ADGRL3: variants seen among roughly 807,000 people sequenced by gnomAD.
The protein encoded by ADGRL3 is calcium-independent alpha-latrotoxin receptor 3.
Under a neutral mutation model 153.5 loss-of-function variants are expected in ADGRL3, and 62 were observed. The observed-to-expected ratio is 0.40, with a 90% confidence interval of 0.33 to 0.50. The LOEUF (loss-of-function observed/expected upper bound fraction) is 0.50, where lower values mean the gene tolerates loss of function less well. Among genes scored for constraint, ADGRL3 ranks in the 20% least tolerant of loss-of-function variants. ADGRL3 has a pLI of 0.47. For synonymous variants in ADGRL3, 710 were observed against 672.5 expected, an observed-to-expected ratio of 1.06 and a Z score of -0.86; for missense variants, 1,641 against 1,859.4, an observed-to-expected ratio of 0.88 and a Z score of 2.16.
At chr4:61,358,492 G>C (rs968938980) in intron 1 of ADGRL3, among the ~76,000 whole-genome samples, 4 of 151,758 alleles carry the variant, frequency 2.6e-5, no homozygotes, top group African/African-American at 9.7e-5. Flanking sequence ...AGCTACTAGG[G>C]AGGCTGAGGC....
chr4:61,958,963 G>A lies in ADGRL3; in HGVS notation c.2805+10687G>A, dbSNP rs553614511. 3.9e-5 allele frequency among the ~76,000 whole-genome samples: 6 copies of A among 152,214 alleles called. No individual in the cohort carries two copies. In the East Asian group the frequency reaches 1.2e-3, roughly 29 times the overall value. ...CTACTGAATTCCCCCTGCTTCTACT[G>A]TCTAAGGAAACATTTGATTGTCTTC... is the stretch of plus-strand genomic sequence containing the variant. On this transcript the variant is annotated intron_variant, in intron 17 of 26. Coordinates refer to ENST00000683033, the MANE Select transcript of ADGRL3 (RefSeq NM_001387552.1).
intron 4 of ADGRL3, among the ~76,000 whole-genome samples, chr4:61,540,576 GA>G (rs548057104): frequency 6.3e-4 from 95 of 150,422 alleles, no homozygotes; most frequent in Middle Eastern, 6.9e-3. Context: ...AAGAAAAAAA[GA>G]AAAAAAAATA....
chr4:61,637,316 C>T (rs747640280), intron 5 of ADGRL3, among the ~76,000 whole-genome samples: 2 of 152,070 alleles, frequency 1.3e-5, no homozygotes, highest in African/African-American at 2.4e-5. Flanking sequence ...AAAATGAAAG[C>T]GGAGACCGGG....
At chr4:61,234,369 A>G (rs946634010) in intron 1 of ADGRL3, among the ~76,000 whole-genome samples, 2 of 152,124 alleles carry the variant, frequency 1.3e-5, no homozygotes, top group Non-Finnish European at 2.9e-5. Context: ...CGAGAATAGC[A>G]TAGGAAAGAC....
Position 62,070,785 on chromosome 4 carries a change from G to A in ADGRL3, c.4509G>A (p.Gln1503=), listed in dbSNP as rs1186171005. The change falls in exon 27 of 27, where the codon CAG becomes CAA. Residue 1503 remains glutamine, a synonymous_variant. Coordinates refer to ENST00000683033, the MANE Select transcript of ADGRL3 (RefSeq NM_001387552.1). Reference sequence around the variant, plus strand: ...TAGGCTCCAGAAACCACGTCCATCAGCTGCATACTTACTACCAGCTAGGTC... The same window carrying A: ...TAGGCTCCAGAAACCACGTCCATCAACTGCATACTTACTACCAGCTAGGTC... The part of the protein sequence containing the change: ...PNLGSRNHVH[Q]LHTYYQLGRG... The A allele has an allele frequency of 8.4e-6, 13 of 1,551,550 alleles. No homozygotes were observed. The highest frequency in any genetic ancestry group is 1.1e-5 in the Non-Finnish European group (13 of 1,146,990).
At chr4:61,734,858 C>T (rs2096488756) in intron 8 of ADGRL3, among the ~76,000 whole-genome samples, 2 of 152,304 alleles carry the variant, frequency 1.3e-5, no homozygotes, top group Admixed American at 6.5e-5. Context: ...TTGTTTTGCT[C>T]AACTCCAATT....
intron 19 of ADGRL3, 81 bp from the exon 20 acceptor site, chr4:61,996,210 C>A: frequency 2.4e-6 from 2 of 830,414 alleles, no homozygotes; most frequent in South Asian, 1.5e-5. Context: ...AGCTCACATT[C>A]TTCTCTGTCA....
intron 1 of ADGRL3, among the ~76,000 whole-genome samples, chr4:61,339,209 T>C (rs922036832): frequency 6.6e-6 from 1 of 152,186 alleles, no homozygotes; most frequent in Non-Finnish European, 1.5e-5. Context: ...TAGGTTTATT[T>C]TGAGGTTTGA....
chr4:61,492,720 T>A (rs1335217653), intron 2 of ADGRL3, among the ~76,000 whole-genome samples: 9 of 152,080 alleles, frequency 5.9e-5, no homozygotes, highest in Non-Finnish European at 1.2e-4. Flanking sequence ...TATAATTGTG[T>A]TAGATTTGAA....
rs116837418 is a variant in ADGRL3 at position 61,951,273 on chromosome 4, C to T, written c.2805+2997C>T. Among the ~76,000 whole-genome samples the T allele has an allele frequency of 9.9e-3, 1,511 of 152,178 alleles. 22 individuals are homozygous for T. The highest frequency in any genetic ancestry group is 0.034 in the African/African-American group (1,412 of 41,516). On this transcript the variant is annotated intron_variant, in intron 17 of 26. Transcript: ENST00000683033. ...AATCACCAAAGACACACAATCTGAACTTAGGATTCTCAGAATCCCCAGAGT... is the reference window on the plus strand; with the variant it reads ...AATCACCAAAGACACACAATCTGAATTTAGGATTCTCAGAATCCCCAGAGT...
Position 61,389,139 on chromosome 4 carries a change from G to T in ADGRL3, c.-174+5950G>T, listed in dbSNP as rs538476606. On this transcript the variant is annotated intron_variant, in intron 2 of 26. Transcript: ENST00000683033. ...CTGGAAGCAGCATGCATGATCATGT[G>T]ACTGGAGGCAGGTGGATTACCCAGG... Among the ~76,000 whole-genome samples the T allele has an allele frequency of 2.0e-5, 3 of 152,300 alleles. No homozygotes were observed. The East Asian group carries it at 5.8e-4, about 29-fold the overall frequency.
chr4:61,293,294 A>G (rs2094292873), intron 1 of ADGRL3, among the ~76,000 whole-genome samples: 1 of 152,178 alleles, frequency 6.6e-6, no homozygotes, highest in African/African-American at 2.4e-5. Flanking sequence ...AACCATCATT[A>G]CCACAGCCTA....
intron 4 of ADGRL3, among the ~76,000 whole-genome samples, chr4:61,521,855 C>G (rs2098533093): frequency 6.6e-6 from 1 of 151,710 alleles, no homozygotes; most frequent in Non-Finnish European, 1.5e-5. Flanking sequence ...CTTTCTGGCC[C>G]CAAATTTAAG....
chr4:61,213,396 AT>A (rs1741062062), intron 1 of ADGRL3, among the ~76,000 whole-genome samples: 1 of 152,080 alleles, frequency 6.6e-6, no homozygotes, highest in Non-Finnish European at 1.5e-5. Context: ...TAATGGCTGA[AT>A]TTTGATTCCC....
intron 4 of ADGRL3, among the ~76,000 whole-genome samples, chr4:61,533,867 T>G (rs1383356427): frequency 6.6e-6 from 1 of 152,166 alleles, no homozygotes; most frequent in African/African-American, 2.4e-5. Flanking sequence ...AGTGAAAAAG[T>G]GCTATATACT....
intron 1 of ADGRL3, among the ~76,000 whole-genome samples, chr4:61,339,430 G>A (rs1485897387): frequency 1.3e-5 from 2 of 152,044 alleles, no homozygotes; most frequent in Non-Finnish European, 2.9e-5. Flanking sequence ...CATGTCCACC[G>A]TCATTTTAGA....
intron 17 of ADGRL3, 50 bp downstream of exon 17, chr4:61,948,326 C>A: frequency 7.0e-7 from 1 of 1,418,802 alleles, no homozygotes; most frequent in Non-Finnish European, 9.8e-7. Flanking sequence ...TATATGGTCA[C>A]TAACTGTAAA....
intron 2 of ADGRL3, among the ~76,000 whole-genome samples, chr4:61,438,738 C>G (rs1255937969): frequency 1.4e-5 from 2 of 144,496 alleles, no homozygotes; most frequent in African/African-American, 2.6e-5. Flanking sequence ...GACGGAGTCT[C>G]GCTCTGTCGC....
chr4:61,561,978 CATATCT>C (rs947193102), intron 4 of ADGRL3, among the ~76,000 whole-genome samples: 14 of 152,018 alleles, frequency 9.2e-5, no homozygotes, highest in Admixed American at 3.9e-4. Context: ...TAGGAATTCA[CATATCT>C]ATATCTATAT....
Sources: allele counts gnomAD v4.1 joint callset (sites outside exome capture counted in the v4.1 genomes callset), GRCh38; gene constraint gnomAD v4.1.1; transcripts MANE v1.5; gene names NCBI Gene and HGNC (gene_info 2026-07-23, HGNC 2026-07-21).